Variants in SYN3 observed in about 807,000 individuals in gnomAD.
SYN3 encodes synapsin-3.
A neutral mutation model predicts 65.8 loss-of-function variants in SYN3; 35 were observed. That is an observed-to-expected ratio of 0.53 (90% CI 0.41 to 0.70). The LOEUF (loss-of-function observed/expected upper bound fraction) is 0.70, where lower values mean the gene tolerates loss of function less well. Ranked by LOEUF, SYN3 falls within the 30% of genes least tolerant of loss-of-function variation. SYN3 has a pLI of 0.00. For missense variants in SYN3, 680 were observed against 749.0 expected (o/e 0.91, Z 1.08); for synonymous variants, 270 against 292.9 (o/e 0.92, Z 0.80).
intron 6 of SYN3, among the ~76,000 whole-genome samples, chr22:32,670,585 A>G (rs1601881103): frequency 2.0e-5 from 3 of 152,186 alleles, no homozygotes; most frequent in African/African-American, 7.2e-5. Flanking sequence ...GGCTTCTTCC[A>G]CAAGGTGAGT....
At chr22:32,903,303 T>C (rs2146537005) in intron 4 of SYN3, among the ~76,000 whole-genome samples, 1 of 152,362 alleles carries the variant, frequency 6.6e-6, no homozygotes. Flanking sequence ...GTAAACATTA[T>C]GTAAGTGCAA....
intron 3 of SYN3, among the ~76,000 whole-genome samples, chr22:32,954,661 C>A (rs550118828): frequency 5.8e-4 from 89 of 152,258 alleles, no homozygotes; most frequent in African/African-American, 2.1e-3. Context: ...GGGGCTAACA[C>A]TCAGTAGTAC....
intron 3 of SYN3, among the ~76,000 whole-genome samples, chr22:32,943,017 A>G (rs1359781173): frequency 6.6e-6 from 1 of 152,220 alleles, no homozygotes; most frequent in African/African-American, 2.4e-5. Context: ...GGTGGAAAAC[A>G]CTCTGCAGGA....
rs568433342 is a variant in SYN3, at chr22:32,512,173, C to A, written c.*1519G>T. ...ATGATTGCTTTTATGCTCCTGGGAACCTGGATGGATCTTGGCTGATTACCA... is the reference window on the plus strand; with the variant it reads ...ATGATTGCTTTTATGCTCCTGGGAAACTGGATGGATCTTGGCTGATTACCA... On this transcript the variant is annotated 3_prime_UTR_variant, in exon 14 of 14. Transcript: ENST00000358763. Among the ~76,000 whole-genome samples the A allele has an allele frequency of 6.6e-6, 1 of 152,298 alleles. No homozygotes were observed. Among genetic ancestry groups the A allele is most frequent in the South Asian group, 2.1e-4 (1 of 4,824 alleles).
At chr22:32,894,282 A>G (rs2049530791) in intron 4 of SYN3, among the ~76,000 whole-genome samples, 5 of 152,210 alleles carry the variant, frequency 3.3e-5, no homozygotes, top group Admixed American at 3.3e-4. Flanking sequence ...GAAGAAGAAA[A>G]CAGTCAAGGG....
intron 13 of SYN3, 111 bp downstream of exon 13, chr22:32,517,932 C>T: frequency 8.1e-7 from 1 of 1,231,242 alleles, no homozygotes. Context: ...GAAGTCTAGG[C>T]AAGGCCTCGT....
chr22:32,838,351 C>T (rs2047796845), intron 6 of SYN3, among the ~76,000 whole-genome samples: 1 of 152,138 alleles, frequency 6.6e-6, no homozygotes, highest in African/African-American at 2.4e-5. Flanking sequence ...CTGCCATGCT[C>T]TTCATATTTC....
At chr22:32,913,366 G>C (rs2050104590) in intron 4 of SYN3, among the ~76,000 whole-genome samples, 2 of 151,910 alleles carry the variant, frequency 1.3e-5, no homozygotes, top group South Asian at 4.2e-4. Flanking sequence ...CACCATGTTA[G>C]CTAGGATGGT....
At chr22:33,019,769 G>T (rs1244525273) in intron 1 of SYN3, among the ~76,000 whole-genome samples, 1 of 152,110 alleles carries the variant, frequency 6.6e-6, no homozygotes, top group Non-Finnish European at 1.5e-5. Context: ...ACAGGCACGT[G>T]CCACCACCCC....
At position 32,612,093 on chromosome 22, in the gene SYN3, C is replaced by A. The variant is rs190978870; in HGVS notation, c.712-15357G>T. ...ACTCCATGGTGATAGAAGCTCCTGT[C>A]CTTGGGACCCTTCTGGATTTTGCCC... On this transcript the variant is annotated intron_variant, in intron 6 of 13. Coordinates refer to ENST00000358763, the MANE Select transcript of SYN3 (RefSeq NM_003490.4). 2.6e-5 allele frequency among the ~76,000 whole-genome samples: 4 copies of A among 152,262 alleles called. No homozygotes were observed. The East Asian group carries it at 5.8e-4, about 22-fold the overall frequency.
intron 3 of SYN3, among the ~76,000 whole-genome samples, chr22:32,968,096 C>T (rs1403680107): frequency 1.3e-5 from 2 of 152,172 alleles, no homozygotes; most frequent in African/African-American, 2.4e-5. Flanking sequence ...GGCAATGGCT[C>T]GCTTTCAAGA....
intron 6 of SYN3, among the ~76,000 whole-genome samples, chr22:32,666,283 A>T (rs369043978): frequency 6.6e-6 from 1 of 152,156 alleles, no homozygotes; most frequent in African/African-American, 2.4e-5. Context: ...TCACTCCTCT[A>T]TTCAAAACCT....
chr22:33,016,009 A>AT lies in SYN3; in HGVS notation c.-162-9186dup, dbSNP rs572047101. 5.9e-3 allele frequency among the ~76,000 whole-genome samples: 896 copies of AT among 151,448 alleles called. 7 individuals are homozygous for AT. The highest frequency in any genetic ancestry group is 0.028 in the South Asian group (135 of 4,768). On this transcript the variant is annotated intron_variant, in intron 1 of 13. Coordinates refer to ENST00000358763, the MANE Select transcript of SYN3 (RefSeq NM_003490.4). ...AGGCGCCCGCCACCACGCCCAGCTAATTTTTTTTGTATTTTTAGTTGAGAC... is the reference window on the plus strand; with the variant it reads ...AGGCGCCCGCCACCACGCCCAGCTAATTTTTTTTTGTATTTTTAGTTGAGAC...
chr22:32,585,336 T>C (rs990603463), intron 7 of SYN3, among the ~76,000 whole-genome samples: 18 of 152,204 alleles, frequency 1.2e-4, no homozygotes, highest in African/African-American at 4.3e-4. Context: ...TCAGTTGGTT[T>C]TCCCCAGCGC....
intron 12 of SYN3, among the ~76,000 whole-genome samples, chr22:32,521,296 C>T (rs888674421): frequency 6.6e-6 from 1 of 152,104 alleles, no homozygotes; most frequent in Non-Finnish European, 1.5e-5. Flanking sequence ...AACGCAGGAG[C>T]CCCTAGGAGC....
At chr22:32,751,018 C>T (rs1297304788) in intron 6 of SYN3, among the ~76,000 whole-genome samples, 3 of 152,058 alleles carry the variant, frequency 2.0e-5, no homozygotes, top group African/African-American at 7.2e-5. Context: ...ACCATGACAC[C>T]AGGTTAGAGC....
chr22:32,601,478 C>G (rs1454373747), intron 6 of SYN3, among the ~76,000 whole-genome samples: 8 of 152,166 alleles, frequency 5.3e-5, no homozygotes, highest in African/African-American at 1.4e-4. Flanking sequence ...GGGGTTTCAC[C>G]GTGTTAGCCA....
intron 4 of SYN3, among the ~76,000 whole-genome samples, chr22:32,900,221 G>C (rs1569312929): frequency 1.3e-5 from 2 of 152,188 alleles, no homozygotes; most frequent in Non-Finnish European, 2.9e-5. Context: ...CATGAAGATG[G>C]ACTTGAGGCA....
intron 2 of SYN3, among the ~76,000 whole-genome samples, chr22:32,995,705 C>T (rs1277279846): frequency 1.3e-5 from 2 of 152,202 alleles, no homozygotes; most frequent in African/African-American, 4.8e-5. Context: ...CCTCTGCCAC[C>T]AGGCTGGAGT....
Sources: gnomAD v4.1 joint callset for allele counts (sites outside exome capture counted in the v4.1 genomes callset) on GRCh38, gnomAD v4.1.1 for gene constraint, MANE v1.5 for transcripts, NCBI Gene and HGNC (gene_info 2026-07-23, HGNC 2026-07-21) for gene names.